UTRN: variants seen among roughly 807,000 people sequenced by gnomAD.
UTRN encodes dystrophin-related protein 1.
A neutral mutation model predicts 463.9 loss-of-function variants in UTRN; 283 were observed. The ratio of observed to expected loss-of-function variants is 0.61; its 90% CI spans 0.55 to 0.67. UTRN has a LOEUF of 0.67. UTRN is among the 30% of genes least tolerant of loss of function. The probability of loss-of-function intolerance (pLI) is 0.00; values close to 1 mark genes in which losing one functional copy is unlikely to be tolerated. For missense variants in UTRN, 3,922 were observed against 4,084.3 expected (o/e 0.96, Z 1.08); for synonymous variants, 1,442 against 1,431.5 (o/e 1.01, Z -0.17).
intron 2 of UTRN, among the ~76,000 whole-genome samples, chr6:144,338,407 A>G (rs967501437): frequency 2.6e-5 from 4 of 152,058 alleles, no homozygotes; most frequent in Non-Finnish European, 5.9e-5. Flanking sequence ...TCTGATGAAG[A>G]TATTAAGGGG....
intron 24 of UTRN, among the ~76,000 whole-genome samples, chr6:144,474,073 T>C (rs1253582904): frequency 6.6e-6 from 1 of 151,724 alleles, no homozygotes; most frequent in Non-Finnish European, 1.5e-5. Flanking sequence ...ACAAGAACAA[T>C]TTTGGTTCAT....
intron 52 of UTRN, among the ~76,000 whole-genome samples, chr6:144,690,091 T>TGTG (rs1447726041): frequency 6.4e-4 from 22 of 34,392 alleles, no homozygotes; most frequent in East Asian, 6.0e-3. Flanking sequence ...TTTTTTTTTT[T>TGTG]TTTTTGTGTG....
At chr6:144,604,099 G>A (rs931732456) in intron 51 of UTRN, among the ~76,000 whole-genome samples, 5 of 151,938 alleles carry the variant, frequency 3.3e-5, no homozygotes, top group East Asian at 3.9e-4. Flanking sequence ...TGTTACTTTC[G>A]AGGTCTATGA....
intron 2 of UTRN, among the ~76,000 whole-genome samples, chr6:144,333,472 A>T (rs1776485233): frequency 6.6e-6 from 1 of 152,230 alleles, no homozygotes; most frequent in African/African-American, 2.4e-5. Flanking sequence ...TGTCATGTTG[A>T]AGAAGATCAT....
At chr6:144,501,395 T>C (rs1425386148) in intron 34 of UTRN, among the ~76,000 whole-genome samples, 1 of 152,180 alleles carries the variant, frequency 6.6e-6, no homozygotes, top group Non-Finnish European at 1.5e-5. Flanking sequence ...TTGCCTAGTG[T>C]AATACAAAAA....
At chr6:144,614,545 C>T (rs141738726) in intron 51 of UTRN, among the ~76,000 whole-genome samples, 2,301 of 152,202 alleles carry the variant, frequency 0.015, 55 homozygotes, top group African/African-American at 0.051. Context: ...GATTACATGT[C>T]AGTTGCATCA....
At chr6:144,309,409 C>T (rs890742130) in intron 2 of UTRN, among the ~76,000 whole-genome samples, 2 of 152,178 alleles carry the variant, frequency 1.3e-5, no homozygotes, top group East Asian at 1.9e-4. Context: ...CCTGATCTCC[C>T]GTAAACCCCA....
At chr6:144,559,815 A>C (rs925512468) in intron 50 of UTRN, among the ~76,000 whole-genome samples, 1 of 152,148 alleles carries the variant, frequency 6.6e-6, no homozygotes, top group South Asian at 2.1e-4. Context: ...ATAACCATTT[A>C]TTACCTGTGT....
intron 63 of UTRN, among the ~76,000 whole-genome samples, chr6:144,796,023 A>G (rs897789475): frequency 6.6e-6 from 1 of 151,938 alleles, no homozygotes; most frequent in Non-Finnish European, 1.5e-5. Context: ...CTAGGTTTTC[A>G]TCTAGGATTT....
chr6:144,380,939 A>C (rs1435287634), intron 2 of UTRN, among the ~76,000 whole-genome samples: 2 of 152,204 alleles, frequency 1.3e-5, no homozygotes, highest in African/African-American at 4.8e-5. Context: ...CAAAGTGAGC[A>C]GAAGTGAGGC....
chr6:144,617,508 G>T (rs1202381141), intron 51 of UTRN, among the ~76,000 whole-genome samples: 5 of 152,126 alleles, frequency 3.3e-5, no homozygotes, highest in African/African-American at 9.7e-5. Flanking sequence ...ATCTGCTGAG[G>T]TTATGTTTAT....
chr6:144,314,278 A>C (rs1775135171), intron 2 of UTRN, among the ~76,000 whole-genome samples: 1 of 152,070 alleles, frequency 6.6e-6, no homozygotes. Flanking sequence ...GTCTGAGTGC[A>C]AGTGAAGTAG....
chr6:144,732,966 G>A (rs1297731511), intron 54 of UTRN, among the ~76,000 whole-genome samples: 1 of 152,134 alleles, frequency 6.6e-6, no homozygotes, highest in Non-Finnish European at 1.5e-5. Context: ...GTCTCCAAAA[G>A]TGCTGAGAAT....
Position 144,548,751 on chromosome 6 carries a change from C to T in UTRN, c.6707C>T (p.Thr2236Ile). 3.7e-6 allele frequency: 6 copies of T among 1,613,996 alleles called. No individual in the cohort carries two copies. The highest frequency in any genetic ancestry group is 5.1e-6 in the Non-Finnish European group (6 of 1,179,950). The change falls in exon 47 of 75, where the codon ACA (threonine) becomes ATA (isoleucine). Residue 2236 changes from threonine (T) to isoleucine (I), a missense_variant. Thr to Ile is a moderately conservative substitution (Grantham distance 89, BLOSUM62 -1). Transcript: ENST00000367545. ...SIPADLDKTITELADWLVLID... is the reference protein window; with the variant it reads ...SIPADLDKTIIELADWLVLID... ...CCTGCTGATCTTGATAAAACTATAA[C>T]AGAACTAGCCGACTGGCTGGTATTA...
Position 144,678,521 on chromosome 6 carries a change from G to A in UTRN, c.7595G>A (p.Arg2532Gln), listed in dbSNP as rs771889713. 16 of 1,612,836 alleles carry A rather than the reference G, an allele frequency of 9.9e-6. No homozygotes were observed. The highest frequency in any genetic ancestry group is 1.3e-5 in the African/African-American group (1 of 74,982). ...NSEEATMLQH[R>Q]LDDMNQRWND... ...GAAGAGGCTACTATGCTTCAACATC[G>A]ACTGGATGATATGAACCAAAGATGG... Residue 2532 changes from arginine (R) to glutamine (Q), a missense_variant, in exon 52 of 75, where the codon CGA becomes CAA. Physicochemically the swap from Arg to Gln is conservative, Grantham distance 43. This residue lies in a region of UTRN where 1,309 missense variants were observed against 1,452.6 expected (regional missense o/e 0.90). Transcript: ENST00000367545.
chr6:144,299,467 T>A (rs146078512), intron 2 of UTRN, among the ~76,000 whole-genome samples: 215 of 152,206 alleles, frequency 1.4e-3, no homozygotes, highest in African/African-American at 4.9e-3. Context: ...TTTTGAAGAG[T>A]TTGGGTTGTG....
At chr6:144,330,798 A>T in intron 2 of UTRN, 1 of 984,872 alleles carries the variant, frequency 1.0e-6, no homozygotes, top group Non-Finnish European at 1.2e-6. Context: ...GTTGGGGAGG[A>T]ACTCATCTAT....
chr6:144,311,585 T>C (rs1450538514), intron 2 of UTRN: 1 of 152,240 alleles, frequency 6.6e-6, no homozygotes, highest in African/African-American at 2.4e-5. Context: ...GATTTGTTTG[T>C]AAGGTAAGGA....
chr6:144,366,617 T>C (rs1404102795), intron 2 of UTRN, among the ~76,000 whole-genome samples: 1 of 152,248 alleles, frequency 6.6e-6, no homozygotes, highest in Non-Finnish European at 1.5e-5. Flanking sequence ...CTGTGGTGTA[T>C]ATGTAACACA....
Sources: allele counts gnomAD v4.1 joint callset (sites outside exome capture counted in the v4.1 genomes callset), GRCh38; gene constraint gnomAD v4.1.1; regional missense constraint gnomAD v4.1.1; transcripts MANE v1.5; gene names NCBI Gene and HGNC (gene_info 2026-07-23, HGNC 2026-07-21).